PLIN3: variants seen among roughly 807,000 people sequenced by gnomAD.
PLIN3 encodes perilipin-3.
PLIN3 carries 30 observed loss-of-function variants against 35.9 expected under a neutral mutation model. That is an observed-to-expected ratio of 0.84 (90% CI 0.62 to 1.13). The LOEUF is 1.13. PLIN3 is among the 50% of genes most tolerant of loss of function. The pLI, the probability that PLIN3 is intolerant of heterozygous loss-of-function variation, is 0.00. For missense variants in PLIN3, 603 were observed against 596.9 expected (o/e 1.01, Z -0.11); for synonymous variants, 261 against 262.5 (o/e 0.99, Z 0.06).
chr19:4,840,071 G>A (rs1193322213), intron 7 of PLIN3, among the ~76,000 whole-genome samples: 3 of 139,990 alleles, frequency 2.1e-5, no homozygotes, highest in Non-Finnish European at 3.1e-5. Flanking sequence ...AGGTTCAAGC[G>A]ATTCTCCTAC....
At position 4,852,045 on chromosome 19, in the gene PLIN3, T is replaced by C. The variant is rs763626712; in HGVS notation, c.605A>G (p.Asn202Ser). 3.1e-6 allele frequency: 5 copies of C among 1,613,838 alleles called. No homozygotes were observed. In the South Asian group the frequency reaches 4.4e-5, roughly 14 times the overall value. Residue 202 changes from asparagine to serine, a missense_variant, in exon 5 of 8, where the codon AAC becomes AGC. Asn to Ser is a conservative substitution (Grantham distance 46). Coordinates refer to ENST00000221957, the MANE Select transcript of PLIN3 (RefSeq NM_005817.5). Reference sequence around the variant, plus strand: ...TTCGGCATCCGTAAGGGGCAGGTGGTTGTCCGCCCACTCCTCCGACTTCCC... The same window carrying C: ...TTCGGCATCCGTAAGGGGCAGGTGGCTGTCCGCCCACTCCTCCGACTTCCC... The part of the protein sequence containing the change: ...VLGKSEEWAD[N>S]HLPLTDAELA...
intron 4 of PLIN3, among the ~76,000 whole-genome samples, chr19:4,853,854 T>C (rs1158579937): frequency 1.3e-5 from 2 of 151,238 alleles, no homozygotes; most frequent in Non-Finnish European, 2.9e-5. Context: ...AAGCTTTGCA[T>C]GGAATCCTTT....
rs767413559 is a variant in PLIN3 at position 4,859,613 on chromosome 19, T to A, written c.325A>T (p.Ile109Phe). 2 of 1,613,970 alleles carry A rather than the reference T, an allele frequency of 1.2e-6. No individual in the cohort carries two copies. The highest frequency in any genetic ancestry group is 4.5e-5 in the East Asian group (2 of 44,902). ...ACCTTCTCCGTGGGCTGCTGCAGGATGGGGAGGTTCTCCTCCAACTTGTCC... is the reference window on the plus strand; with the variant it reads ...ACCTTCTCCGTGGGCTGCTGCAGGAAGGGGAGGTTCTCCTCCAACTTGTCC... ...GLDKLEENLP[I>F]LQQPTEKVLA... The change falls in exon 4 of 8, where the codon ATC (isoleucine) becomes TTC (phenylalanine). Residue 109 changes from isoleucine to phenylalanine, a missense_variant. By Grantham distance (21) the Ile-to-Phe change is conservative. Transcript: ENST00000221957.
rs187730931 is a variant in PLIN3 at position 4,865,974 on chromosome 19, C to T, written c.-18+1635G>A. On this transcript the variant is annotated intron_variant, in intron 1 of 7. Transcript: ENST00000221957. ...TCCTGACCTCATGATCCGCCCGCCT[C>T]GGCCTCCGAAAATGCTGGGATTACA... is the stretch of plus-strand genomic sequence containing the variant. Among the ~76,000 whole-genome samples, 34 of 151,138 alleles carry T rather than the reference C, an allele frequency of 2.2e-4. No individual in the cohort carries two copies. In the East Asian group the frequency reaches 5.1e-3, roughly 23 times the overall value.
intron 1 of PLIN3, among the ~76,000 whole-genome samples, chr19:4,862,097 C>T (rs898852935): frequency 1.3e-5 from 2 of 151,618 alleles, no homozygotes; most frequent in African/African-American, 4.8e-5. Context: ...CACCACCACG[C>T]CTACTTAATT....
intron 5 of PLIN3, 28 bp from the exon 6 acceptor site, chr19:4,847,918 T>C: frequency 6.4e-7 from 1 of 1,556,232 alleles, no homozygotes; most frequent in African/African-American, 1.4e-5. Flanking sequence ...AGGGTCTCTG[T>C]GAAGACCAGA....
chr19:4,864,809 G>T (rs1252131345), intron 1 of PLIN3, among the ~76,000 whole-genome samples: 1 of 152,118 alleles, frequency 6.6e-6, no homozygotes, highest in Admixed American at 6.6e-5. Context: ...ATTCTCAGGG[G>T]GAAGCCAGGA....
chr19:4,860,420 G>A (rs1342005300), intron 2 of PLIN3, among the ~76,000 whole-genome samples: 2 of 151,798 alleles, frequency 1.3e-5, no homozygotes, highest in East Asian at 2.0e-4. Context: ...GGCCAGGCTG[G>A]TCTTGAACTC....
Position 4,852,204 on chromosome 19 carries a change from T to A in PLIN3, c.446A>T (p.Glu149Val). Residue 149 changes from glutamate (E) to valine (V), a missense_variant, in exon 5 of 8, where the codon GAG (glutamate) becomes GTG (valine). Physicochemically the swap from Glu to Val is moderately radical, Grantham distance 121. Coordinates refer to ENST00000221957, the MANE Select transcript of PLIN3 (RefSeq NM_005817.5). Reference protein sequence around the residue: ...AKDTVATQLSEAVDATRGAVQ... With the variant: ...AKDTVATQLSVAVDATRGAVQ... ...AGCACCGCGGGTCGCGTCCACCGCC[T>A]CCGACAATTGGGTGGCCACCGTGTC... 6.2e-7 allele frequency: 1 copy of A among 1,612,608 alleles called. No homozygotes were observed.
chr19:4,855,655 G>T (rs1392310259), intron 4 of PLIN3, among the ~76,000 whole-genome samples: 2 of 152,072 alleles, frequency 1.3e-5, no homozygotes, highest in African/African-American at 2.4e-5. Context: ...TGATCCGCCC[G>T]CCTCGGCCTC....
Position 4,852,013 on chromosome 19 carries a change from T to C in PLIN3, c.634+3A>G. 6.2e-7 allele frequency: 1 copy of C among 1,612,452 alleles called. No homozygotes were observed. The highest frequency in any genetic ancestry group is 8.5e-7 in the Non-Finnish European group (1 of 1,179,210). ...CCCAGAGCAGCCCGCTGGCCACACT[T>C]ACCCAGTTCGGCATCCGTAAGGGGC... On this transcript the variant is annotated splice_donor_region_variant and intron_variant, in intron 5 of 7. Transcript: ENST00000221957.
chr19:4,839,622 G>T (rs541463567), intron 7 of PLIN3, 86 bp from the exon 8 acceptor site: 1 of 1,091,204 alleles, frequency 9.2e-7, no homozygotes, highest in South Asian at 2.0e-5. Flanking sequence ...AGGGGAAGAG[G>T]GGTTCTACCA....
In PLIN3 at chr19:4,839,276, A is replaced by G. The variant is rs2146192285; in HGVS notation, c.1221T>C (p.Tyr407=). 6.2e-7 allele frequency: 1 copy of G among 1,614,086 alleles called. No homozygotes were observed. Among genetic ancestry groups the G allele is most frequent in the Non-Finnish European group, 8.5e-7 (1 of 1,180,032 alleles). Reference sequence around the variant, plus strand: ...ACGTGACAGGTGTGTTCTGGGCCACATATTCCACCATGTGGTCCAGGGCCT... The same window carrying G: ...ACGTGACAGGTGTGTTCTGGGCCACGTATTCCACCATGTGGTCCAGGGCCT... The part of the protein sequence containing the change: ...AREALDHMVE[Y]VAQNTPVTWL... Residue 407 remains tyrosine (Y), a synonymous_variant, in exon 8 of 8, where the codon TAT becomes TAC. Transcript: ENST00000221957.
At chr19:4,864,467 G>T (rs201011252) in intron 1 of PLIN3, among the ~76,000 whole-genome samples, 2,308 of 143,676 alleles carry the variant, frequency 0.016, 37 homozygotes, top group Middle Eastern at 0.054. Context: ...TTTTTTTTTT[G>T]TTGTTGTTGT....
chr19:4,862,756 C>G (rs1287993869), intron 1 of PLIN3, among the ~76,000 whole-genome samples: 1 of 152,150 alleles, frequency 6.6e-6, no homozygotes, highest in South Asian at 2.1e-4. Context: ...AACCTCACTT[C>G]GGGGAAGAAC....
chr19:4,848,493 T>C (rs1332935061), intron 5 of PLIN3, among the ~76,000 whole-genome samples: 1 of 152,228 alleles, frequency 6.6e-6, no homozygotes, highest in East Asian at 1.9e-4. Flanking sequence ...TAGGCCTGAA[T>C]GTTCATTATG....
At chr19:4,849,617 A>G (rs764835376) in intron 5 of PLIN3, among the ~76,000 whole-genome samples, 16 of 151,692 alleles carry the variant, frequency 1.1e-4, no homozygotes, top group African/African-American at 3.4e-4. Flanking sequence ...TCGTAGGTTC[A>G]TATGTGTATA....
chr19:4,841,604 TAAAAAAA>T (rs370959554), intron 7 of PLIN3, among the ~76,000 whole-genome samples: 1 of 140,862 alleles, frequency 7.1e-6, no homozygotes, highest in Admixed American at 7.2e-5. Context: ...ATAAAACTGT[TAAAAAAA>T]AAAAAAAGGC....
chr19:4,856,328 G>A (rs2030474295), intron 4 of PLIN3, among the ~76,000 whole-genome samples: 1 of 152,104 alleles, frequency 6.6e-6, no homozygotes, highest in Admixed American at 6.6e-5. Context: ...GGAGGCCGAG[G>A]CAGGCAGATC....
Sources: gnomAD v4.1 joint callset for allele counts (sites outside exome capture counted in the v4.1 genomes callset) on GRCh38, gnomAD v4.1.1 for gene constraint, MANE v1.5 for transcripts, NCBI Gene and HGNC (gene_info 2026-07-23, HGNC 2026-07-21) for gene names.